PHRF1: variants seen among roughly 807,000 people sequenced by gnomAD.
PHRF1 encodes PHD and ring finger domains 1.
Under a neutral mutation model 128.9 loss-of-function variants are expected in PHRF1, and 53 were observed. The ratio of observed to expected loss-of-function variants is 0.41; its 90% CI spans 0.33 to 0.52. PHRF1 has a LOEUF of 0.52. Among genes scored for constraint, PHRF1 ranks in the 20% least tolerant of loss-of-function variants. The pLI is 0.21. For synonymous variants in PHRF1, 1,178 were observed against 980.6 expected, an observed-to-expected ratio of 1.20 and a Z score of -3.76; for missense variants, 2,503 against 2,284.5, an observed-to-expected ratio of 1.10 and a Z score of -1.95.
intron 10 of PHRF1, among the ~76,000 whole-genome samples, chr11:603,252 C>G (rs751816055): frequency 6.6e-6 from 1 of 152,066 alleles, no homozygotes; most frequent in Non-Finnish European, 1.5e-5. Flanking sequence ...CACAAGCGTT[C>G]GCCATGTTGC....
chr11:597,340 G>C lies in PHRF1; in HGVS notation c.719-55G>C. ...GCCGGCAGCCACAGGGGGAGCCGTT[G>C]GGGGAGGCGTGTGGCCTGTGAGTGT... On this transcript the variant is annotated intron_variant, in intron 7 of 17. Coordinates refer to ENST00000264555, the MANE Select transcript of PHRF1 (RefSeq NM_001286581.2). This position sits in a 1 kb window ranked among gnomAD's most constrained non-coding sequence, Gnocchi z 6.5. 6.4e-7 allele frequency: 1 copy of C among 1,567,416 alleles called. No individual in the cohort carries two copies. The highest frequency in any genetic ancestry group is 8.7e-7 in the Non-Finnish European group (1 of 1,154,094).
chr11:597,584 C>T lies in PHRF1; in HGVS notation c.894+14C>T. Reference sequence around the variant, plus strand: ...AGGAGGGTCCAGGTGGGTGGCCCAGCCCTGACGCCAGTCGTAGAACCCCAG... The same window carrying T: ...AGGAGGGTCCAGGTGGGTGGCCCAGTCCTGACGCCAGTCGTAGAACCCCAG... On this transcript the variant is annotated intron_variant, in intron 8 of 17. Coordinates refer to ENST00000264555, the MANE Select transcript of PHRF1 (RefSeq NM_001286581.2). The surrounding 1 kb of genome is among the most constrained non-coding windows in gnomAD (Gnocchi z 6.5). The T allele has an allele frequency of 6.2e-7, 1 of 1,606,080 alleles. No homozygotes were observed. Among genetic ancestry groups the T allele is most frequent in the Non-Finnish European group, 8.5e-7 (1 of 1,177,068 alleles).
At chr11:594,698 T>G (rs112855672) in intron 6 of PHRF1, among the ~76,000 whole-genome samples, 5,977 of 152,238 alleles carry the variant, frequency 0.039, 404 homozygotes, top group African/African-American at 0.14. Context: ...CTGGGCTCAA[T>G]TGATCCGCCC....
Position 611,016 on chromosome 11 carries a change from C to T in PHRF1, c.4740C>T (p.Pro1580=), listed in dbSNP as rs1589911269. The T allele has an allele frequency of 1.2e-6, 2 of 1,613,516 alleles. No homozygotes were observed. Among genetic ancestry groups the T allele is most frequent in the Non-Finnish European group, 1.7e-6 (2 of 1,179,820 alleles). ...AVEEVKLAIK[P]FYQKREVTKE... is the part of the protein sequence containing the mutation. ...AGGAGGTGAAGCTGGCCATCAAGCC[C>T]TTCTACCAGAAGAGGGAGGTGACCA... Residue 1580 remains proline (P), a synonymous_variant, in exon 17 of 18, where the codon CCC becomes CCT. Coordinates refer to ENST00000264555, the MANE Select transcript of PHRF1 (RefSeq NM_001286581.2).
chr11:592,532 T>G, intron 5 of PHRF1, 27 bp from the exon 6 acceptor site: 5 of 1,604,900 alleles, frequency 3.1e-6, no homozygotes, highest in South Asian at 1.1e-5. Context: ...GGGTCCTGTG[T>G]GGTGGTGACC....
rs375154991 is a variant in PHRF1 at position 581,543 on chromosome 11, G to A, written c.31G>A (p.Ala11Thr). The A allele has an allele frequency of 1.3e-5, 21 of 1,613,596 alleles. No homozygotes were observed. Among genetic ancestry groups the A allele is most frequent in the Non-Finnish European group, 1.8e-5 (21 of 1,179,876 alleles). ...TGACGACAGCCTGGATGAGCTTGTG[G>A]CCCGGAGCCCAGGGCCGGATGGACA... MDDDSLDELV[A>T]RSPGPDGHPQ... Residue 11 changes from alanine to threonine, a missense_variant, in exon 2 of 18, where the codon GCC becomes ACC. By Grantham distance (58) the Ala-to-Thr change is moderately conservative. Transcript: ENST00000264555.
chr11:599,285 C>T (rs1364279586), intron 9 of PHRF1, among the ~76,000 whole-genome samples: 4 of 125,440 alleles, frequency 3.2e-5, no homozygotes, highest in Admixed American at 9.9e-5. Flanking sequence ...GACAGAGTCT[C>T]GCTCTCCCAG....
chr11:598,223 G>GCC (rs1174286907), intron 8 of PHRF1, 150 bp from the exon 9 acceptor site: 11 of 1,178,622 alleles, frequency 9.3e-6, no homozygotes, highest in African/African-American at 1.6e-5. Context: ...GGAGAGGAAG[G>GCC]CCGGGCCGTG....
chr11:578,727 A>G (rs889664812), intron 1 of PHRF1, among the ~76,000 whole-genome samples: 48 of 152,056 alleles, frequency 3.2e-4, no homozygotes, highest in Non-Finnish European at 4.1e-4. Context: ...CACCACACCT[A>G]CCTGGTTTTT....
intron 4 of PHRF1, among the ~76,000 whole-genome samples, chr11:589,850 G>A (rs919040337): frequency 1.3e-5 from 2 of 150,108 alleles, no homozygotes; most frequent in East Asian, 2.0e-4. Context: ...GTCTGCAAAC[G>A]GGCACGGAGC....
rs145655008 is a variant in PHRF1, at chr11:596,387, A to T, written c.621-536A>T. On this transcript the variant is annotated intron_variant, in intron 6 of 17. Transcript: ENST00000264555. ...TCGCCTTCTTCAGTGGCTTGGTGTG[A>T]GGTGCAATGTTTGAAAACCCGGGAG... 3.9e-3 allele frequency among the ~76,000 whole-genome samples: 591 copies of T among 152,196 alleles called. 2 individuals carry two copies. The highest frequency in any genetic ancestry group is 6.5e-3 in the Non-Finnish European group (440 of 67,994).
intron 6 of PHRF1, among the ~76,000 whole-genome samples, chr11:593,768 C>T (rs981428037): frequency 1.3e-5 from 2 of 152,218 alleles, no homozygotes; most frequent in African/African-American, 4.8e-5. Context: ...GGTCCCCAGC[C>T]CCTGCTTGGT....
chr11:595,212 C>A (rs1458551694), intron 6 of PHRF1, among the ~76,000 whole-genome samples: 1 of 152,146 alleles, frequency 6.6e-6, no homozygotes, highest in African/African-American at 2.4e-5. Context: ...AACCCCCGAT[C>A]CTTGGGAGGC....
intron 6 of PHRF1, among the ~76,000 whole-genome samples, chr11:595,488 C>G (rs894022130): frequency 1.4e-4 from 22 of 152,366 alleles, no homozygotes; most frequent in Admixed American, 7.2e-4. Flanking sequence ...CAGGTCAGAT[C>G]TGAGCACCTT....
intron 3 of PHRF1, among the ~76,000 whole-genome samples, chr11:585,336 T>A (rs112972906): frequency 2.6e-3 from 1 of 392 alleles, no homozygotes; most frequent in Non-Finnish European, 9.4e-3. Flanking sequence ...CCTTTCCAGC[T>A]TGAGGTAGTA....
intron 6 of PHRF1, among the ~76,000 whole-genome samples, 194 bp from the exon 7 acceptor site, chr11:596,729 G>T (rs1263298114): frequency 2.0e-5 from 3 of 152,170 alleles, no homozygotes; most frequent in African/African-American, 4.8e-5. Flanking sequence ...AACCTTAAAG[G>T]TTCCATGTCT....
intron 9 of PHRF1, among the ~76,000 whole-genome samples, chr11:600,698 G>A (rs1393882877): frequency 6.6e-6 from 1 of 151,938 alleles, no homozygotes; most frequent in East Asian, 1.9e-4. Context: ...CAGGCATGGT[G>A]GCTTACACCT....
chr11:599,079 C>T (rs112472923), intron 9 of PHRF1, among the ~76,000 whole-genome samples: 23 of 152,304 alleles, frequency 1.5e-4, no homozygotes, highest in Non-Finnish European at 2.9e-4. Context: ...CAGACACCCC[C>T]GGCGCTGGTG....
intron 3 of PHRF1, among the ~76,000 whole-genome samples, chr11:583,197 G>C (rs1333099847): frequency 6.6e-6 from 1 of 151,998 alleles, no homozygotes; most frequent in East Asian, 1.9e-4. Flanking sequence ...AAATTAGCCA[G>C]TCGTGTTGGC....
Sources: gnomAD v4.1 joint callset for allele counts (sites outside exome capture counted in the v4.1 genomes callset) on GRCh38, gnomAD v4.1.1 for gene constraint, Gnocchi (gnomAD v3.1) non-coding constraint, MANE v1.5 for transcripts, NCBI Gene and HGNC (gene_info 2026-07-23, HGNC 2026-07-21) for gene names.